Variants in C2CD5 observed in about 807,000 individuals in gnomAD.
C2CD5 encodes the protein C2 domain-containing protein 5.
Under a neutral mutation model 130.3 loss-of-function variants are expected in C2CD5, and 109 were observed. The observed-to-expected ratio is 0.84, with a 90% confidence interval of 0.72 to 0.98. The LOEUF (loss-of-function observed/expected upper bound fraction) is 0.98, where lower values mean the gene tolerates loss of function less well. Ranked by LOEUF, C2CD5 falls within the 50% of genes least tolerant of loss-of-function variation. The pLI, the probability that C2CD5 is intolerant of heterozygous loss-of-function variation, is 0.00. For synonymous variants in C2CD5, 454 were observed against 429.2 expected, an observed-to-expected ratio of 1.06 and a Z score of -0.71; for missense variants, 996 against 1,261.8, an observed-to-expected ratio of 0.79 and a Z score of 3.19.
intron 9 of C2CD5, among the ~76,000 whole-genome samples, chr12:22,511,353 C>A (rs1949173296): frequency 1.3e-5 from 2 of 152,112 alleles, no homozygotes; most frequent in African/African-American, 2.4e-5. Flanking sequence ...ATTCTTCATA[C>A]TTCTTGCTTT....
intron 25 of C2CD5, among the ~76,000 whole-genome samples, chr12:22,454,491 T>C (rs993075350): frequency 1.3e-5 from 2 of 152,140 alleles, no homozygotes; most frequent in African/African-American, 4.8e-5. Flanking sequence ...CAAACTTGCC[T>C]TTTTTTCAGT....
Position 22,472,735 on chromosome 12 carries a change from T to C in C2CD5, c.2107+9A>G. The C allele has an allele frequency of 6.7e-7, 1 of 1,489,110 alleles. No individual in the cohort carries two copies. The highest frequency in any genetic ancestry group is 1.4e-5 in the African/African-American group (1 of 71,970). The allele number at this position is 1,489,110 out of a possible 1,614,324, so 92.2% of individuals were successfully genotyped here. On this transcript the variant is annotated intron_variant, in intron 17 of 26. Transcript: ENST00000446597. Reference sequence around the variant, plus strand: ...CTAGTTTCATCTCAAAGATAACTTTTTTGTTCACCTGAAGGAGGAGGAACA... The same window carrying C: ...CTAGTTTCATCTCAAAGATAACTTTCTTGTTCACCTGAAGGAGGAGGAACA...
At chr12:22,538,870 C>G (rs939682944) in intron 2 of C2CD5, among the ~76,000 whole-genome samples, 4 of 151,986 alleles carry the variant, frequency 2.6e-5, no homozygotes, top group African/African-American at 9.7e-5. Flanking sequence ...GACAAGCCCA[C>G]GCTTCATTAT....
intron 22 of C2CD5, chr12:22,460,442 TAGTG>T (rs1940877902): frequency 1.3e-5 from 2 of 152,250 alleles, no homozygotes; most frequent in African/African-American, 2.4e-5. Context: ...CATTTCTACT[TAGTG>T]TGTTGATTTT....
intron 16 of C2CD5, among the ~76,000 whole-genome samples, chr12:22,473,547 C>G (rs1484548674): frequency 2.0e-5 from 3 of 152,186 alleles, no homozygotes; most frequent in Non-Finnish European, 4.4e-5. Flanking sequence ...GGATATTCCA[C>G]TTGCCCTCTG....
At chr12:22,505,884 T>C (rs938717723) in intron 10 of C2CD5, among the ~76,000 whole-genome samples, 1 of 147,446 alleles carries the variant, frequency 6.8e-6, no homozygotes, top group African/African-American at 2.4e-5. Context: ...TTTCAATTCT[T>C]AGCTACTCTA....
chr12:22,512,303 C>T (rs1430046379), intron 9 of C2CD5, among the ~76,000 whole-genome samples: 1 of 152,114 alleles, frequency 6.6e-6, no homozygotes, highest in Non-Finnish European at 1.5e-5. Context: ...ATCCTTTTTA[C>T]AGGTATTTAC....
chr12:22,484,587 G>A (rs1945211171), intron 13 of C2CD5, 110 bp downstream of exon 13: 1 of 496,170 alleles, frequency 2.0e-6, no homozygotes, highest in African/African-American at 2.0e-5. Flanking sequence ...TGTCCAGTTT[G>A]TGCAGGATCA....
Position 22,471,983 on chromosome 12 carries a change from C to G in C2CD5, c.2252G>C (p.Cys751Ser), listed in dbSNP as rs1313362197. The G allele has an allele frequency of 6.2e-7, 1 of 1,602,480 alleles. No individual in the cohort carries two copies. Among genetic ancestry groups the G allele is most frequent in the Non-Finnish European group, 8.5e-7 (1 of 1,170,184 alleles). ...QALNKNFNDLCENLLKSLYFK... is the reference protein window; with the variant it reads ...QALNKNFNDLSENLLKSLYFK... ...GGTTCCTACCTTGAGCAAATTTTCACAGAGATCATTAAAGTTCTTATTGAG... is the reference window on the plus strand; with the variant it reads ...GGTTCCTACCTTGAGCAAATTTTCAGAGAGATCATTAAAGTTCTTATTGAG... Residue 751 changes from cysteine to serine, a missense_variant, in exon 19 of 27, where the codon TGT becomes TCT. By Grantham distance (112) the Cys-to-Ser change is moderately radical (BLOSUM62 -1). Coordinates refer to ENST00000446597, the MANE Select transcript of C2CD5 (RefSeq NM_001286176.2).
At chr12:22,499,511 G>A (rs928387592) in intron 10 of C2CD5, among the ~76,000 whole-genome samples, 3 of 152,132 alleles carry the variant, frequency 2.0e-5, no homozygotes, top group African/African-American at 7.2e-5. Context: ...AAAAGAGTAC[G>A]TGGCATGTAA....
intron 2 of C2CD5, among the ~76,000 whole-genome samples, chr12:22,539,982 A>C: frequency 6.7e-6 from 1 of 148,168 alleles, no homozygotes; most frequent in South Asian, 2.1e-4. Flanking sequence ...ACAAGAGCGA[A>C]GCTCCGTCTC....
rs748095844 is a variant in C2CD5 at position 22,527,888 on chromosome 12, T to A, written c.182A>T (p.Asp61Val). The A allele has an allele frequency of 6.2e-7, 1 of 1,601,410 alleles. No individual in the cohort carries two copies. Among genetic ancestry groups the A allele is most frequent in the Admixed American group, 1.7e-5 (1 of 58,712 alleles). Reference sequence around the variant, plus strand: ...AGGTTCATCTTGTAAGTCTTCATCATCCACCTACAAGTATACCTTAAAATT... The same window carrying A: ...AGGTTCATCTTGTAAGTCTTCATCAACCACCTACAAGTATACCTTAAAATT... Reference protein sequence around the residue: ...WNSEWFKFEVDDEDLQDEPLQ... With the variant: ...WNSEWFKFEVVDEDLQDEPLQ... The change falls in exon 4 of 27, where the codon GAT becomes GTT. Residue 61 changes from aspartate to valine, a missense_variant. Asp to Val is a radical substitution (Grantham distance 152). Coordinates refer to ENST00000446597, the MANE Select transcript of C2CD5 (RefSeq NM_001286176.2).
At chr12:22,516,491 T>C (rs1949735478) in intron 8 of C2CD5, among the ~76,000 whole-genome samples, 1 of 151,380 alleles carries the variant, frequency 6.6e-6, no homozygotes, top group Non-Finnish European at 1.5e-5. Context: ...AGCCAGAAGA[T>C]AAAATATGAC....
intron 18 of C2CD5, 38 bp downstream of exon 18, chr12:22,472,246 TTA>T (rs751671527): frequency 8.5e-7 from 1 of 1,171,714 alleles, no homozygotes; most frequent in African/African-American, 1.6e-5. Context: ...CTAAAATAAC[TTA>T]TGTGTTATGT....
At chr12:22,528,251 A>G (rs1482433368) in intron 3 of C2CD5, among the ~76,000 whole-genome samples, 3 of 152,214 alleles carry the variant, frequency 2.0e-5, no homozygotes, top group Non-Finnish European at 4.4e-5. Flanking sequence ...GTATCTATAG[A>G]GAGAAGAATG....
At chr12:22,470,999 C>T (rs1460322089) in intron 20 of C2CD5, 88 bp from the exon 21 acceptor site, 2 of 796,862 alleles carry the variant, frequency 2.5e-6, no homozygotes, top group Non-Finnish European at 4.1e-6. Flanking sequence ...CACGGAACAA[C>T]CTACACCAAA....
intron 15 of C2CD5, among the ~76,000 whole-genome samples, chr12:22,475,394 T>C (rs1943696857): frequency 6.6e-6 from 1 of 152,168 alleles, no homozygotes; most frequent in Admixed American, 6.6e-5. Context: ...TATGCACATA[T>C]TTGCTATTCA....
chr12:22,483,802 G>A (rs943544548), intron 13 of C2CD5, among the ~76,000 whole-genome samples: 4 of 152,070 alleles, frequency 2.6e-5, no homozygotes, highest in African/African-American at 7.2e-5. Flanking sequence ...GATAGAGAAA[G>A]GTACCATTCA....
chr12:22,467,361 A>T (rs1481737966), intron 22 of C2CD5, among the ~76,000 whole-genome samples: 1 of 151,106 alleles, frequency 6.6e-6, no homozygotes, highest in Non-Finnish European at 1.5e-5. Flanking sequence ...TAGAGAAGAG[A>T]CTCCTAGGCT....
Sources: allele counts gnomAD v4.1 joint callset (sites outside exome capture counted in the v4.1 genomes callset), GRCh38; gene constraint gnomAD v4.1.1; transcripts MANE v1.5; gene names NCBI Gene and HGNC (gene_info 2026-07-23, HGNC 2026-07-21).